Variants in ZNF107 observed in about 807,000 individuals in gnomAD.
ZNF107 encodes the protein zinc finger protein 107.
A neutral mutation model predicts 12.3 loss-of-function variants in ZNF107; 19 were observed. That is an observed-to-expected ratio of 1.55 (90% CI 1.08 to 2.27). ZNF107 has a LOEUF of 2.27. ZNF107 is among the 30% of genes most tolerant of loss of function. The pLI, the probability that ZNF107 is intolerant of heterozygous loss-of-function variation, is 0.00. For missense variants in ZNF107, 958 were observed against 979.9 expected (o/e 0.98, Z 0.30); for synonymous variants, 317 against 330.5 (o/e 0.96, Z 0.44).
intron 3 of ZNF107, among the ~76,000 whole-genome samples, chr7:64,696,138 C>T (rs935721006): frequency 2.0e-5 from 3 of 151,940 alleles, no homozygotes; most frequent in African/African-American, 4.8e-5. Context: ...CTGCAACCTC[C>T]GCCTCCCAGG....
In ZNF107 at chr7:64,706,529, A is replaced by G; in HGVS notation, c.432A>G (p.Ile144Met). The change falls in exon 4 of 4, where the codon ATA becomes ATG. Residue 144 changes from isoleucine (I) to methionine (M), a missense_variant. By Grantham distance (10) the Ile-to-Met change is conservative (BLOSUM62 1). Transcript: ENST00000620827. ...GTTTGACAGCTACCCCAAGCAAAAT[A>G]TTCCAGTGTAATAAATATGTGAAAG... ...NQCLTATPSK[I>M]FQCNKYVKVF... The G allele has an allele frequency of 1.2e-6, 2 of 1,610,318 alleles. No homozygotes were observed. Among genetic ancestry groups the G allele is most frequent in the Non-Finnish European group, 1.7e-6 (2 of 1,178,176 alleles).
intron 3 of ZNF107, among the ~76,000 whole-genome samples, chr7:64,703,189 G>A (rs937796488): frequency 2.0e-5 from 3 of 152,124 alleles, no homozygotes; most frequent in African/African-American, 7.2e-5. Context: ...TATTTTAATT[G>A]TGTATGACAA....
chr7:64,680,483 T>A (rs1584469886), intron 1 of ZNF107, among the ~76,000 whole-genome samples: 1 of 152,134 alleles, frequency 6.6e-6, no homozygotes, highest in African/African-American at 2.4e-5. Flanking sequence ...AGTGGAACTA[T>A]CAAACAGGAT....
chr7:64,686,969 C>T (rs1321140016), intron 1 of ZNF107: 1 of 985,432 alleles, frequency 1.0e-6, no homozygotes, highest in East Asian at 1.1e-4. Context: ...CCCCGTTATT[C>T]ATAATGCTCA....
chr7:64,666,409 G>A (rs1289379171), intron 1 of ZNF107, 124 bp downstream of exon 1: 2 of 1,338,796 alleles, frequency 1.5e-6, no homozygotes, highest in Non-Finnish European at 2.1e-6. Flanking sequence ...GGCGCAGCTC[G>A]GCCCTCAGTC....
chr7:64,706,877 A>G lies in ZNF107; in HGVS notation c.780A>G (p.Glu260=). Residue 260 remains glutamate (E), a synonymous_variant, in exon 4 of 4, where the codon GAA becomes GAG. Transcript: ENST00000620827. The part of the protein sequence containing the change: ...IHTEEKPNKC[E]ECGKAFKQAS... ...CTGAAGAGAAACCCAACAAATGTGA[A>G]GAATGTGGCAAGGCCTTTAAACAGG... 6.2e-7 allele frequency: 1 copy of G among 1,613,518 alleles called. No homozygotes were observed. The highest frequency in any genetic ancestry group is 8.5e-7 in the Non-Finnish European group (1 of 1,179,750).
intron 1 of ZNF107, among the ~76,000 whole-genome samples, chr7:64,687,845 CT>C (rs1197221214): frequency 6.6e-6 from 1 of 152,174 alleles, no homozygotes; most frequent in African/African-American, 2.4e-5. Context: ...TGTGGAGTTA[CT>C]CTGGAGCTGG....
intron 1 of ZNF107, chr7:64,669,140 C>A (rs1789126554): frequency 6.7e-6 from 1 of 150,060 alleles, no homozygotes; most frequent in African/African-American, 2.5e-5. Flanking sequence ...CTCAACCTCG[C>A]AAGTAGCTGG....
Position 64,708,455 on chromosome 7 carries a change from G to T in ZNF107, c.2358G>T (p.Glu786Asp). 1 of 1,606,050 alleles carries T rather than the reference G, an allele frequency of 6.2e-7. No homozygotes were observed. The highest frequency in any genetic ancestry group is 8.5e-7 in the Non-Finnish European group (1 of 1,174,446). Residue 786 changes from glutamate (E) to aspartate (D), a missense_variant, in exon 4 of 4, where the codon GAG becomes GAT. Physicochemically the swap from Glu to Asp is conservative, Grantham distance 45. Coordinates refer to ENST00000620827, the MANE Select transcript of ZNF107 (RefSeq NM_001282359.2). ...LTTHKKIHTSEKPYKCEECGK... is the reference protein window; with the variant it reads ...LTTHKKIHTSDKPYKCEECGK... ...CACATAAGAAAATTCATACTTCAGA[G>T]AAACCCTACAAATGTGAAGAATGTG...
chr7:64,682,946 C>A (rs187955106), intron 1 of ZNF107, among the ~76,000 whole-genome samples: 3 of 152,202 alleles, frequency 2.0e-5, no homozygotes, highest in Admixed American at 1.3e-4. Flanking sequence ...CATCCTCCCC[C>A]TCTCCTCACA....
intron 3 of ZNF107, among the ~76,000 whole-genome samples, chr7:64,692,692 C>T (rs922010296): frequency 4.6e-5 from 7 of 151,880 alleles, no homozygotes; most frequent in Admixed American, 1.3e-4. Context: ...TCTCTAATTT[C>T]TTTCATTGTA....
At chr7:64,677,711 G>A (rs1170154964) in intron 1 of ZNF107, among the ~76,000 whole-genome samples, 1 of 151,636 alleles carries the variant, frequency 6.6e-6, no homozygotes, top group African/African-American at 2.4e-5. Context: ...AATTAGATGG[G>A]CGTGGTAGTG....
chr7:64,680,159 A>G (rs1292278405), intron 1 of ZNF107, among the ~76,000 whole-genome samples: 3 of 150,204 alleles, frequency 2.0e-5, no homozygotes, highest in Non-Finnish European at 4.4e-5. Context: ...CCCTCCTCCC[A>G]CCCCACTATT....
intron 1 of ZNF107, among the ~76,000 whole-genome samples, chr7:64,689,091 T>C (rs1790028340): frequency 6.6e-6 from 1 of 152,174 alleles, no homozygotes; most frequent in Admixed American, 6.5e-5. Flanking sequence ...TCTCTACTTA[T>C]ATTCATGTAG....
chr7:64,682,243 T>A (rs777057108), intron 1 of ZNF107, among the ~76,000 whole-genome samples: 35 of 152,088 alleles, frequency 2.3e-4, no homozygotes, highest in Middle Eastern at 6.8e-3. Flanking sequence ...CTGTTATTTG[T>A]CTCAGCATAA....
intron 3 of ZNF107, among the ~76,000 whole-genome samples, chr7:64,697,030 A>G (rs908891262): frequency 3.4e-5 from 5 of 146,064 alleles, no homozygotes; most frequent in Non-Finnish European, 3.0e-5. Flanking sequence ...AAGTGTTCTC[A>G]TTGTTCAGTT....
intron 3 of ZNF107, among the ~76,000 whole-genome samples, chr7:64,703,863 GTCTT>G (rs1245612104): frequency 2.6e-5 from 4 of 151,778 alleles, no homozygotes; most frequent in Non-Finnish European, 5.9e-5. Flanking sequence ...CTTATTTTCT[GTCTT>G]TCTTTCTTCC....
At chr7:64,705,196 T>C (rs1314982775) in intron 3 of ZNF107, among the ~76,000 whole-genome samples, 3 of 152,182 alleles carry the variant, frequency 2.0e-5, no homozygotes, top group African/African-American at 7.2e-5. Context: ...CTGTTGTCTG[T>C]GACTTTTGAA....
At chr7:64,694,230 T>G (rs11772744) in intron 3 of ZNF107, among the ~76,000 whole-genome samples, 10 of 152,226 alleles carry the variant, frequency 6.6e-5, no homozygotes, top group Non-Finnish European at 1.3e-4. Flanking sequence ...AGTGTTCTCC[T>G]CCAGGCCTCT....
Sources: allele counts gnomAD v4.1 joint callset (sites outside exome capture counted in the v4.1 genomes callset), GRCh38; gene constraint gnomAD v4.1.1; transcripts MANE v1.5; gene names NCBI Gene and HGNC (gene_info 2026-07-23, HGNC 2026-07-21).